RPL12: variants seen among roughly 807,000 people sequenced by gnomAD.
RPL12 encodes large ribosomal subunit protein uL11.
RPL12 carries 10 observed loss-of-function variants against 24.5 expected under a neutral mutation model. The ratio of observed to expected loss-of-function variants is 0.41; its 90% CI spans 0.25 to 0.69. RPL12 has a LOEUF of 0.69. Ranked by LOEUF, RPL12 falls within the 30% of genes least tolerant of loss-of-function variation. RPL12 has a pLI of 0.33. For missense variants in RPL12, 137 were observed against 205.3 expected, an observed-to-expected ratio of 0.67 and a Z score of 2.03; for synonymous variants, 74 against 76.1, an observed-to-expected ratio of 0.97 and a Z score of 0.14.
intron 4 of RPL12, 56 bp downstream of exon 4, chr9:127,449,225 A>T: frequency 7.0e-7 from 1 of 1,431,378 alleles, no homozygotes; most frequent in Non-Finnish European, 9.8e-7. Flanking sequence ...ACAGCCACAT[A>T]TATCAAACAT....
intron 4 of RPL12, 143 bp downstream of exon 4, chr9:127,449,138 A>G (rs1187103740): frequency 3.1e-6 from 2 of 637,638 alleles, no homozygotes; most frequent in Non-Finnish European, 5.4e-6. Flanking sequence ...ACTTTTTCAT[A>G]CTACCTGGCT....
At chr9:127,449,208 G>T in intron 4 of RPL12, 73 bp downstream of exon 4, 1 of 1,288,374 alleles carries the variant, frequency 7.8e-7, no homozygotes. Flanking sequence ...TTCCTTTAAG[G>T]GAAAACACAG....
intron 2 of RPL12, 115 bp downstream of exon 2, chr9:127,450,613 CCTA>C (rs934824248): frequency 1.0e-5 from 7 of 700,010 alleles, no homozygotes; most frequent in Middle Eastern, 2.4e-4. Flanking sequence ...GTGGCTCAGG[CCTA>C]CTGAGGGTGA....
rs773902356 is a variant in RPL12, at chr9:127,447,722, T to C, written c.497A>G (p.Ter166=). ...TTATTGAAATGTTTTCCTTTGTGCT[T>C]AACTCTGTGGGAAAGAAAAAAAAAA... The part of the protein sequence containing the change: ...NSGAVECPAS[*] Residue 166 remains the stop codon, a stop_retained_variant, in exon 7 of 7, where the codon TAA becomes TGA. Transcript: ENST00000361436. 2.8e-5 allele frequency: 45 copies of C among 1,613,602 alleles called. No individual in the cohort carries two copies. The highest frequency in any genetic ancestry group is 3.3e-5 in the South Asian group (3 of 90,976).
rs1167562904 is a variant in RPL12, at chr9:127,450,645, C to T, written c.111+86G>A. 6.1e-6 allele frequency: 6 copies of T among 985,976 alleles called. No homozygotes were observed. In the South Asian group the frequency reaches 6.4e-5, roughly 10 times the overall value. 61.1% of individuals were successfully genotyped at this position (985,976 alleles called of 1,614,324 possible). A position where few individuals can be genotyped will look rare whatever the true frequency, so the allele number is the denominator to read the frequency against. ...AGGGTGACAGTCCAAGCCACGAGGG[C>T]ACCTCTGGCACAGGCGTGACTCCAC... is the stretch of plus-strand genomic sequence containing the variant. On this transcript the variant is annotated intron_variant, in intron 2 of 6. Transcript: ENST00000361436.
rs750217778 is a variant in RPL12, at chr9:127,449,321, G to A, written c.252C>T (p.Ala84=). The A allele has an allele frequency of 1.4e-5, 23 of 1,611,598 alleles. No individual in the cohort carries two copies. Among genetic ancestry groups the A allele is most frequent in the African/African-American group, 4.0e-5 (3 of 74,836 alleles). ...TTCTGTCTCTTGGTGGTTCCTTGAGGGCTTTGATGATCAGGGCAGAGGCAG... is the reference window on the plus strand; with the variant it reads ...TTCTGTCTCTTGGTGGTTCCTTGAGAGCTTTGATGATCAGGGCAGAGGCAG... ...VPSASALIIK[A]LKEPPRDRKK... Residue 84 remains alanine, a synonymous_variant, in exon 4 of 7, where the codon GCC becomes GCT. Transcript: ENST00000361436.
Position 127,450,812 on chromosome 9 carries a change from A to G in RPL12, c.38-8T>C. 3 of 1,558,034 alleles carry G rather than the reference A, an allele frequency of 1.9e-6. No homozygotes were observed. Among genetic ancestry groups the G allele is most frequent in the Admixed American group, 2.0e-5 (1 of 50,156 alleles). Reference sequence around the variant, plus strand: ...CGGTGCACCTCAGGTATACTGGGGGAAAAGAAGAGTTAGTGTCTGTGCAGA... The same window carrying G: ...CGGTGCACCTCAGGTATACTGGGGGGAAAGAAGAGTTAGTGTCTGTGCAGA... On this transcript the variant is annotated splice_polypyrimidine_tract_variant and splice_region_variant and intron_variant, in intron 1 of 6. Transcript: ENST00000361436.
rs1221230213 is a variant in RPL12 at position 127,449,683 on chromosome 9, A to G, written c.137T>C (p.Ile46Thr). ...CTTCCAGTCACCCGTTGCCTTGGCA[A>G]TGTCATCACCAACTTTTTTTGGAGA... ...GLSPKKVGDD[I>T]AKATGDWKGL... Residue 46 changes from isoleucine (I) to threonine (T), a missense_variant, in exon 3 of 7, where the codon ATT becomes ACT. Ile to Thr is a moderately conservative substitution (Grantham distance 89, BLOSUM62 -1). Coordinates refer to ENST00000361436, the MANE Select transcript of RPL12 (RefSeq NM_000976.4). The G allele has an allele frequency of 6.2e-7, 1 of 1,613,952 alleles. No individual in the cohort carries two copies. The highest frequency in any genetic ancestry group is 8.5e-7 in the Non-Finnish European group (1 of 1,180,004).
In RPL12 at chr9:127,448,434, G is replaced by T; in HGVS notation, c.293-11C>A. On this transcript the variant is annotated splice_polypyrimidine_tract_variant and intron_variant, in intron 4 of 6. Coordinates refer to ENST00000361436, the MANE Select transcript of RPL12 (RefSeq NM_000976.4). ...TCCCACTGTGTTTAACTGCAGAAGA[G>T]GAAACAGCAAAAGCTCTTTTAAAGT... The T allele has an allele frequency of 6.3e-7, 1 of 1,583,512 alleles. No homozygotes were observed. The highest frequency in any genetic ancestry group is 8.7e-7 in the Non-Finnish European group (1 of 1,152,102).
At chr9:127,450,880 G>A (rs1834289011) in intron 1 of RPL12, 76 bp from the exon 2 acceptor site, 4 of 1,124,270 alleles carry the variant, frequency 3.6e-6, no homozygotes, top group Admixed American at 4.8e-5. Context: ...TTCCGGGGTT[G>A]GACACGCCAC....
Position 127,448,418 on chromosome 9 carries a change from G to GT in RPL12, c.297dup (p.His100ThrfsTer8). The GT allele has an allele frequency of 6.2e-7, 1 of 1,609,652 alleles. No homozygotes were observed. The highest frequency in any genetic ancestry group is 8.5e-7 in the Non-Finnish European group (1 of 1,175,890). ...TCATCAAAAGTGATATTCCCACTGT[G>GT]TTTAACTGCAGAAGAGGAAACAGCA... On this transcript the variant is annotated frameshift_variant, in exon 5 of 7. Coordinates refer to ENST00000361436, the MANE Select transcript of RPL12 (RefSeq NM_000976.4). LOFTEE classifies it high-confidence loss of function.
chr9:127,449,667 ACC>A lies in RPL12; in HGVS notation c.151_152del (p.Gly51Ter), dbSNP rs1834237111. ...CTGTAATCCTCAGGCCCTTCCAGTC[ACC>A]CGTTGCCTTGGCAATGTCATCACCA... is the stretch of plus-strand genomic sequence containing the variant. ...KVGDDIAKAT[G>X]DWKGLRITVK... On this transcript the variant is annotated frameshift_variant, in exon 3 of 7. Coordinates refer to ENST00000361436, the MANE Select transcript of RPL12 (RefSeq NM_000976.4). LOFTEE classifies it high-confidence loss of function. 2 of 1,613,764 alleles carry A rather than the reference ACC, an allele frequency of 1.2e-6. No homozygotes were observed. The highest frequency in any genetic ancestry group is 2.7e-5 in the African/African-American group (2 of 74,842).
chr9:127,450,699 GA>G, intron 2 of RPL12, 31 bp downstream of exon 2: 25 of 1,505,652 alleles, frequency 1.7e-5, no homozygotes, highest in East Asian at 4.9e-5. Context: ...AAACAAATGT[GA>G]AAAAAATGCC....
In RPL12 at chr9:127,447,796, C is replaced by CA. The variant is rs556656893; in HGVS notation, c.493-71dup. 1.0e-4 allele frequency: 163 copies of CA among 1,612,090 alleles called. 1 individual carries two copies. The South Asian group carries it at 1.5e-3, about 15-fold the overall frequency. On this transcript the variant is annotated intron_variant, in intron 6 of 6. Transcript: ENST00000361436. ...ATCCCACCCCACCAGTAACCATTTC[C>CA]AAAACTTCCCAGCTTATCTCTGTGA...
At chr9:127,451,171 G>A in intron 1 of RPL12, 110 bp downstream of exon 1, 3 of 1,434,342 alleles carry the variant, frequency 2.1e-6, no homozygotes, top group Non-Finnish European at 2.9e-6. Context: ...CACCGGGAAG[G>A]TCTCTGGGAG....
intron 1 of RPL12, 73 bp from the exon 2 acceptor site, chr9:127,450,877 G>C (rs1834288802): frequency 8.6e-7 from 1 of 1,159,352 alleles, no homozygotes; most frequent in African/African-American, 1.6e-5. Flanking sequence ...TCTTTCCGGG[G>C]TTGGACACGC....
rs1398363478 is a variant in RPL12 at position 127,448,108 on chromosome 9, C to T, written c.380-119G>A. On this transcript the variant is annotated intron_variant, in intron 5 of 6. Coordinates refer to ENST00000361436, the MANE Select transcript of RPL12 (RefSeq NM_000976.4). ...ATGGAAGGAATGAGGTTCCTGCTCC[C>T]CTAATATAGAATATAGAGTTCCATC... 8.8e-6 allele frequency: 11 copies of T among 1,256,428 alleles called. No individual in the cohort carries two copies. In the East Asian group the frequency reaches 2.2e-4, roughly 25 times the overall value. 77.8% of individuals were successfully genotyped at this position (1,256,428 alleles called of 1,614,324 possible).
intron 2 of RPL12, chr9:127,450,299 A>T (rs540543461): frequency 4.5e-4 from 79 of 174,570 alleles, no homozygotes; most frequent in Non-Finnish European, 4.0e-4. Flanking sequence ...CTCAGCAGGC[A>T]TGAGACACAG....
Position 127,448,380 on chromosome 9 carries a change from A to T in RPL12, c.336T>A (p.Ile112=). 3 of 1,614,060 alleles carry T rather than the reference A, an allele frequency of 1.9e-6. No individual in the cohort carries two copies. The highest frequency in any genetic ancestry group is 2.5e-6 in the Non-Finnish European group (3 of 1,179,910). Residue 112 remains isoleucine (I), a synonymous_variant, in exon 5 of 7, where the codon ATT becomes ATA. Coordinates refer to ENST00000361436, the MANE Select transcript of RPL12 (RefSeq NM_000976.4). ...GNITFDEIVN[I]ARQMRHRSLA... is the part of the protein sequence containing the mutation. ...AGGATCGGTGCCGCATCTGTCGAGC[A>T]ATGTTGACAATCTCATCAAAAGTGA...
Sources: allele counts gnomAD v4.1 joint callset, GRCh38; gene constraint gnomAD v4.1.1; transcripts MANE v1.5; gene names NCBI Gene and HGNC (gene_info 2026-07-23, HGNC 2026-07-21).